DAB1: variants seen among roughly 807,000 people sequenced by gnomAD.
The protein encoded by DAB1 is disabled homolog 1.
In DAB1, 15 loss-of-function variants were observed where a neutral mutation model predicts 64.6. The observed-to-expected ratio is 0.23, with a 90% CI of 0.16 to 0.36. The LOEUF is 0.36. DAB1 is among the 10% of genes least tolerant of loss of function. The pLI is 1.00. For synonymous variants in DAB1, 235 were observed against 251.9 expected, an observed-to-expected ratio of 0.93 and a Z score of 0.64; for missense variants, 596 against 706.7, an observed-to-expected ratio of 0.84 and a Z score of 1.78.
At chr1:57,756,644 G>C (rs1648820967) in intron 6 of DAB1, among the ~76,000 whole-genome samples, 1 of 151,742 alleles carries the variant, frequency 6.6e-6, no homozygotes, top group African/African-American at 2.4e-5. Flanking sequence ...GAGAAGTCCA[G>C]TTATGAGGCC....
rs535833673 is a variant in DAB1 at position 57,301,408 on chromosome 1, C to T, written c.-136-10242G>A. ...TCATTTTAACCCTACTCCATACCAG[C>T]CAGGTGAGGGGAGGAAGGCTTACTG... is the stretch of plus-strand genomic sequence containing the variant. On this transcript the variant is annotated intron_variant, in intron 1 of 14. Transcript: ENST00000371236. Among the ~76,000 whole-genome samples, 4 of 152,232 alleles carry T rather than the reference C, an allele frequency of 2.6e-5. No homozygotes were observed. In the South Asian group the frequency reaches 8.3e-4, roughly 32 times the overall value.
intron 2 of DAB1, among the ~76,000 whole-genome samples, chr1:57,170,116 C>A (rs1175118343): frequency 1.1e-4 from 17 of 151,998 alleles, no homozygotes; most frequent in Non-Finnish European, 2.5e-4. Context: ...CCTGCTTCAG[C>A]CTCCTGAGTA....
chr1:57,366,181 C>A (rs1679980049), intron 1 of DAB1, among the ~76,000 whole-genome samples: 1 of 152,150 alleles, frequency 6.6e-6, no homozygotes, highest in African/African-American at 2.4e-5. Context: ...TACTCCATAT[C>A]ATGATAGCTA....
intron 7 of DAB1, among the ~76,000 whole-genome samples, chr1:57,488,204 C>A (rs578206673): frequency 2.6e-5 from 4 of 152,114 alleles, no homozygotes; most frequent in Non-Finnish European, 4.4e-5. Context: ...GAGATAGAGA[C>A]CACCCTGGCT....
At chr1:57,553,793 C>T (rs566826727) in intron 7 of DAB1, among the ~76,000 whole-genome samples, 10 of 152,216 alleles carry the variant, frequency 6.6e-5, no homozygotes, top group African/African-American at 2.2e-4. Context: ...GACTGCAGGG[C>T]GCTCACTGAG....
chr1:57,988,982 A>C (rs1338579462), intron 5 of DAB1, among the ~76,000 whole-genome samples: 1 of 152,076 alleles, frequency 6.6e-6, no homozygotes, highest in Non-Finnish European at 1.5e-5. Context: ...CTCTGCTGGA[A>C]GAAGCATTTT....
intron 7 of DAB1, among the ~76,000 whole-genome samples, chr1:57,532,898 T>C (rs78400934): frequency 0.023 from 3,502 of 152,310 alleles, 148 homozygotes; most frequent in African/African-American, 0.08. Flanking sequence ...AATCATTTTA[T>C]ATGTATTAAC....
At chr1:57,532,728 T>A (rs1376314462) in intron 7 of DAB1, among the ~76,000 whole-genome samples, 1 of 152,212 alleles carries the variant, frequency 6.6e-6, no homozygotes, top group African/African-American at 2.4e-5. Flanking sequence ...TTCTTGACTC[T>A]GGGACTCAAC....
At chr1:57,783,354 G>T (rs1003632792) in intron 6 of DAB1, among the ~76,000 whole-genome samples, 3 of 151,828 alleles carry the variant, frequency 2.0e-5, no homozygotes, top group African/African-American at 7.3e-5. Flanking sequence ...CGCCCATCTT[G>T]GTCTCCCAAA....
chr1:57,594,035 T>A (rs553579748), intron 7 of DAB1, among the ~76,000 whole-genome samples: 2 of 152,292 alleles, frequency 1.3e-5, no homozygotes, highest in East Asian at 3.9e-4. Flanking sequence ...CTACTCAGAA[T>A]AGGTTCCCCT....
At position 57,431,164 on chromosome 1, in the gene DAB1, CA is replaced by C. The variant is rs893086476; in HGVS notation, n.626-139999del. ...AAAACAAAAAAAAAAAAAAGAAAAA[CA>C]AAAAAAAAGAAGACAGAATGTAAAA... On this transcript the variant is annotated intron_variant and non_coding_transcript_variant, in intron 7 of 20. Transcript: ENST00000485760. Among the ~76,000 whole-genome samples, 27 of 122,230 alleles carry C rather than the reference CA, an allele frequency of 2.2e-4. No homozygotes were observed. The Middle Eastern group carries it at 0.012, about 56-fold the overall frequency. 80.2% of individuals were successfully genotyped at this position (122,230 alleles called of 152,430 possible).
intron 3 of DAB1, among the ~76,000 whole-genome samples, chr1:58,441,634 T>C (rs1645009195): frequency 6.6e-6 from 1 of 152,162 alleles, no homozygotes; most frequent in African/African-American, 2.4e-5. Context: ...GATTCGATGA[T>C]CCCTAAGGAA....
At chr1:57,018,073 T>G (rs1346633367) in intron 11 of DAB1, among the ~76,000 whole-genome samples, 3 of 152,244 alleles carry the variant, frequency 2.0e-5, no homozygotes, top group Non-Finnish European at 2.9e-5. Context: ...ATCCTGTTTA[T>G]GATCATTTGC....
Position 57,290,973 on chromosome 1 carries a change from T to C in DAB1, c.58A>G (p.Arg20Gly). 6.2e-7 allele frequency: 1 copy of C among 1,611,140 alleles called. No homozygotes were observed. The highest frequency in any genetic ancestry group is 8.5e-7 in the Non-Finnish European group (1 of 1,178,480). Reference sequence around the variant, plus strand: ...TCAAATTCAGCCCTACCTTTCTTTCTGGAGTCTTTCTTGGCGCTGGTTTTC... The same window carrying C: ...TCAAATTCAGCCCTACCTTTCTTTCCGGAGTCTTTCTTGGCGCTGGTTTTC... Reference protein sequence around the residue: ...AVKTSAKKDSRKKGQDRSEAT... With the variant: ...AVKTSAKKDSGKKGQDRSEAT... The change falls in exon 2 of 15, where the codon AGA becomes GGA. Residue 20 changes from arginine to glycine, a missense_variant. Arg to Gly is a moderately radical substitution (Grantham distance 125). Coordinates refer to ENST00000371236, the MANE Select transcript of DAB1 (RefSeq NM_001365792.1).
chr1:57,665,024 A>T (rs1646429662), intron 6 of DAB1, among the ~76,000 whole-genome samples: 1 of 152,054 alleles, frequency 6.6e-6, no homozygotes, highest in Non-Finnish European at 1.5e-5. Context: ...AGAGGATACT[A>T]ACCTTCTAAA....
chr1:57,237,017 A>G (rs911349168), intron 2 of DAB1, among the ~76,000 whole-genome samples: 25 of 152,224 alleles, frequency 1.6e-4, no homozygotes, highest in African/African-American at 6.0e-4. Flanking sequence ...TAGTAGTGCT[A>G]CTACTGCTGT....
chr1:58,278,086 A>G (rs1364132232), intron 4 of DAB1, among the ~76,000 whole-genome samples: 1 of 152,114 alleles, frequency 6.6e-6, no homozygotes, highest in Non-Finnish European at 1.5e-5. Flanking sequence ...GTCCCCACCC[A>G]AATCTCATCT....
Position 57,904,457 on chromosome 1 carries a change from G to A in DAB1, n.388-20295C>T, listed in dbSNP as rs180692601. Reference sequence around the variant, plus strand: ...CAGTAAGTGAGGTCTGTATTCTCACGTATCAAAGCACAGAGAGACACACTA... The same window carrying A: ...CAGTAAGTGAGGTCTGTATTCTCACATATCAAAGCACAGAGAGACACACTA... On this transcript the variant is annotated intron_variant and non_coding_transcript_variant, in intron 5 of 20. Coordinates refer to the DAB1 transcript ENST00000485760. Among the ~76,000 whole-genome samples, 421 of 152,244 alleles carry A rather than the reference G, an allele frequency of 2.8e-3. 1 individual carries two copies. Among genetic ancestry groups the A allele is most frequent in the African/African-American group, 9.7e-3 (403 of 41,550 alleles).
intron 3 of DAB1, among the ~76,000 whole-genome samples, chr1:58,352,635 CATT>C (rs1199863089): frequency 2.6e-5 from 4 of 152,186 alleles, no homozygotes; most frequent in Admixed American, 2.6e-4. Flanking sequence ...ACAATCAATA[CATT>C]ACACAACTCC....
Sources: gnomAD v4.1 joint callset for allele counts (sites outside exome capture counted in the v4.1 genomes callset) on GRCh38, gnomAD v4.1.1 for gene constraint, MANE v1.5 for transcripts, NCBI Gene and HGNC (gene_info 2026-07-23, HGNC 2026-07-21) for gene names.